KCND2: variants seen among roughly 807,000 people sequenced by gnomAD.
KCND2 encodes the protein A-type voltage-gated potassium channel KCND2.
KCND2 carries 16 observed loss-of-function variants against 54.4 expected under a neutral mutation model. The observed-to-expected ratio is 0.29, with a 90% CI of 0.20 to 0.45. The LOEUF is 0.45. Among genes scored for constraint, KCND2 ranks in the 20% least tolerant of loss-of-function variants. KCND2 has a pLI of 1.00. For synonymous variants in KCND2, 317 were observed against 310.7 expected, an observed-to-expected ratio of 1.02 and a Z score of -0.21; for missense variants, 486 against 824.2, an observed-to-expected ratio of 0.59 and a Z score of 5.02.
chr7:120,667,390 G>T (rs925829792), intron 1 of KCND2, among the ~76,000 whole-genome samples: 1 of 151,938 alleles, frequency 6.6e-6, no homozygotes, highest in African/African-American at 2.4e-5. Flanking sequence ...GCCATCCAGG[G>T]ATCAAGGTTT....
intron 1 of KCND2, among the ~76,000 whole-genome samples, chr7:120,481,020 C>T (rs1385638587): frequency 3.3e-5 from 5 of 152,092 alleles, no homozygotes; most frequent in South Asian, 2.1e-4. Flanking sequence ...AACTAAGGAA[C>T]GTCTAAATCT....
chr7:120,288,237 G>A (rs929016136), intron 1 of KCND2, among the ~76,000 whole-genome samples: 6 of 152,082 alleles, frequency 3.9e-5, no homozygotes, highest in East Asian at 1.9e-4. Context: ...AACAAAGGAG[G>A]AGCTTACGAA....
At chr7:120,437,576 G>T (rs1260045565) in intron 1 of KCND2, among the ~76,000 whole-genome samples, 1 of 152,004 alleles carries the variant, frequency 6.6e-6, no homozygotes, top group African/African-American at 2.4e-5. Context: ...ACTAAGTGCA[G>T]AATTAGCATT....
At chr7:120,698,327 G>A (rs1054911009) in intron 1 of KCND2, among the ~76,000 whole-genome samples, 6 of 152,190 alleles carry the variant, frequency 3.9e-5, no homozygotes, top group African/African-American at 1.4e-4. Flanking sequence ...GCATACTGGA[G>A]CCAGGTGGTG....
intron 1 of KCND2, among the ~76,000 whole-genome samples, chr7:120,431,055 T>C (rs950725625): frequency 6.6e-6 from 1 of 152,228 alleles, no homozygotes; most frequent in East Asian, 1.9e-4. Context: ...GAGACTAATA[T>C]GTTTAACATC....
intron 1 of KCND2, among the ~76,000 whole-genome samples, chr7:120,642,672 G>A (rs1392391976): frequency 1.3e-5 from 2 of 151,666 alleles, no homozygotes; most frequent in African/African-American, 2.4e-5. Context: ...ATGTTCCACC[G>A]CTTTAAGGCA....
intron 1 of KCND2, among the ~76,000 whole-genome samples, chr7:120,396,872 T>TATTC (rs770527227): frequency 1.3e-5 from 2 of 152,100 alleles, no homozygotes; most frequent in Non-Finnish European, 2.9e-5. Context: ...TTTTATTGAA[T>TATTC]GACTTGAAGC....
At chr7:120,391,926 T>C (rs764911299) in intron 1 of KCND2, among the ~76,000 whole-genome samples, 2 of 152,152 alleles carry the variant, frequency 1.3e-5, no homozygotes, top group Non-Finnish European at 1.5e-5. Flanking sequence ...TTTAATTAGA[T>C]CTCATTTGTC....
At chr7:120,426,589 T>G (rs1221720603) in intron 1 of KCND2, among the ~76,000 whole-genome samples, 2 of 59,472 alleles carry the variant, frequency 3.4e-5, no homozygotes, top group African/African-American at 1.5e-4. Context: ...TTTTTCTTTG[T>G]TTTTTTTTTT....
chr7:120,376,483 A>G (rs1287418519), intron 1 of KCND2, among the ~76,000 whole-genome samples: 1 of 150,896 alleles, frequency 6.6e-6, no homozygotes, highest in East Asian at 1.9e-4. Flanking sequence ...TTTTTATAAA[A>G]TAAAATATAA....
chr7:120,596,658 CA>C (rs1792749508), intron 1 of KCND2, among the ~76,000 whole-genome samples: 1 of 152,126 alleles, frequency 6.6e-6, no homozygotes, highest in African/African-American at 2.4e-5. Context: ...AGAATATTCA[CA>C]AATGTCTGGT....
chr7:120,298,446 A>G (rs1050151361), intron 1 of KCND2, among the ~76,000 whole-genome samples: 2 of 152,196 alleles, frequency 1.3e-5, no homozygotes, highest in African/African-American at 4.8e-5. Flanking sequence ...TTTTCAGTCC[A>G]GGTGTTTGGT....
At chr7:120,339,949 A>G (rs935689120) in intron 1 of KCND2, among the ~76,000 whole-genome samples, 1 of 152,186 alleles carries the variant, frequency 6.6e-6, no homozygotes, top group South Asian at 2.1e-4. Context: ...TGGTATGTTC[A>G]CTGTATAATA....
chr7:120,298,231 T>C (rs1407889992), intron 1 of KCND2, among the ~76,000 whole-genome samples: 1 of 152,096 alleles, frequency 6.6e-6, no homozygotes, highest in Non-Finnish European at 1.5e-5. Flanking sequence ...TACACACGGG[T>C]ATTACAGACT....
chr7:120,548,031 G>A (rs1389578694), intron 1 of KCND2, among the ~76,000 whole-genome samples: 1 of 152,032 alleles, frequency 6.6e-6, no homozygotes, highest in African/African-American at 2.4e-5. Flanking sequence ...CTATGATGAA[G>A]CAGTTGTTCT....
intron 1 of KCND2, among the ~76,000 whole-genome samples, chr7:120,570,012 C>T (rs1015970096): frequency 4.6e-5 from 7 of 152,006 alleles, no homozygotes; most frequent in Admixed American, 2.6e-4. Context: ...TGTTAGGTAG[C>T]GCATTAAGGA....
chr7:120,705,178 C>T (rs1792452113), intron 1 of KCND2, among the ~76,000 whole-genome samples: 1 of 152,090 alleles, frequency 6.6e-6, no homozygotes, highest in Non-Finnish European at 1.5e-5. Flanking sequence ...CCAGGAGACC[C>T]AAGTGCTTAA....
At chr7:120,325,799 T>G (rs2116338780) in intron 1 of KCND2, among the ~76,000 whole-genome samples, 1 of 152,212 alleles carries the variant, frequency 6.6e-6, no homozygotes, top group Non-Finnish European at 1.5e-5. Flanking sequence ...TTGAGATTTT[T>G]GGAGTTTATG....
intron 1 of KCND2, among the ~76,000 whole-genome samples, chr7:120,370,258 A>T (rs1800747183): frequency 6.6e-6 from 1 of 152,006 alleles, no homozygotes; most frequent in Non-Finnish European, 1.5e-5. Flanking sequence ...GCAGAGGAGG[A>T]ATAGCAAGAG....
Sources: allele counts gnomAD v4.1 joint callset (sites outside exome capture counted in the v4.1 genomes callset), GRCh38; gene constraint gnomAD v4.1.1; transcripts MANE v1.5; gene names NCBI Gene and HGNC (gene_info 2026-07-23, HGNC 2026-07-21).